The following SHANK2 variants were observed in gnomAD, a reference collection of about 807,000 sequenced individuals.
SHANK2 encodes SH3 and multiple ankyrin repeat domains 2.
SHANK2 carries 43 observed loss-of-function variants against 133.7 expected under a neutral mutation model. The observed-to-expected ratio is 0.32, with a 90% CI of 0.25 to 0.41. SHANK2 has a LOEUF of 0.41. Ranked by LOEUF, SHANK2 falls within the 10% of genes least tolerant of loss-of-function variation. The probability of loss-of-function intolerance (pLI) is 1.00; values close to 1 mark genes in which losing one functional copy is unlikely to be tolerated. For synonymous variants in SHANK2, 1,017 were observed against 952.8 expected, an observed-to-expected ratio of 1.07 and a Z score of -1.24; for missense variants, 1,994 against 2,235.8, an observed-to-expected ratio of 0.89 and a Z score of 2.18.
At chr11:71,085,653 T>C (rs1336545961) in intron 8 of SHANK2, among the ~76,000 whole-genome samples, 3 of 14,988 alleles carry the variant, frequency 2.0e-4, no homozygotes, top group Non-Finnish European at 2.5e-4. Flanking sequence ...TATTATGTTA[T>C]ATATTATATT....
chr11:71,068,834 GCACCATCGCTGT>G (rs1351250966), intron 9 of SHANK2, among the ~76,000 whole-genome samples: 1 of 151,682 alleles, frequency 6.6e-6, no homozygotes, highest in Non-Finnish European at 1.5e-5. Context: ...ACCATCATCA[GCACCATCGCTGT>G]CACCATGACC....
intron 15 of SHANK2, among the ~76,000 whole-genome samples, chr11:70,673,175 G>A (rs1489992100): frequency 4.6e-5 from 7 of 152,060 alleles, no homozygotes; most frequent in East Asian, 1.9e-4. Context: ...TTGGTCGCCC[G>A]CCACTGAAGG....
At chr11:71,110,102 T>C (rs1555098850) in intron 5 of SHANK2, 53 bp from the exon 6 acceptor site, 2 of 1,347,094 alleles carry the variant, frequency 1.5e-6, no homozygotes, top group East Asian at 5.0e-5. Flanking sequence ...TGTCCCAACC[T>C]GAGCAACAAA....
chr11:70,521,944 A>G (rs1554971098), intron 17 of SHANK2, among the ~76,000 whole-genome samples: 1 of 152,212 alleles, frequency 6.6e-6, no homozygotes, highest in Admixed American at 6.5e-5. Context: ...CTCTCCAAAC[A>G]GAGCTGAAAA....
intron 14 of SHANK2, among the ~76,000 whole-genome samples, chr11:70,721,431 T>C (rs1039693530): frequency 3.3e-5 from 5 of 152,244 alleles, no homozygotes; most frequent in Non-Finnish European, 5.9e-5. Context: ...GCAGGCCGTG[T>C]GTACAGGAGC....
intron 3 of SHANK2, among the ~76,000 whole-genome samples, chr11:71,140,613 C>A (rs1345336604): frequency 7.9e-5 from 12 of 152,322 alleles, no homozygotes; most frequent in Admixed American, 1.3e-4. Flanking sequence ...GTAGCACCAG[C>A]AGGAGGGTGG....
chr11:71,068,082 C>G (rs1334334041), intron 9 of SHANK2, among the ~76,000 whole-genome samples: 1 of 152,076 alleles, frequency 6.6e-6, no homozygotes, highest in Non-Finnish European at 1.5e-5. Context: ...ACCATCACCA[C>G]CATCATCACA....
intron 15 of SHANK2, among the ~76,000 whole-genome samples, chr11:70,665,558 A>C (rs576965): frequency 0.028 from 4,315 of 152,248 alleles, 208 homozygotes; most frequent in African/African-American, 0.099. Flanking sequence ...TGACATTAAG[A>C]AGGACTGTTT....
At chr11:70,599,957 AAGAAAGAAAGAAAG>A (rs1423773461) in intron 17 of SHANK2, among the ~76,000 whole-genome samples, 2,085 of 133,080 alleles carry the variant, frequency 0.016, 53 homozygotes, top group African/African-American at 0.054. Context: ...GAAAGAAAGA[AAGAAAGAAAGAAAG>A]AAAATGTATC....
At chr11:70,904,289 G>C (rs1211300142) in intron 10 of SHANK2, among the ~76,000 whole-genome samples, 1 of 152,194 alleles carries the variant, frequency 6.6e-6, no homozygotes, top group African/African-American at 2.4e-5. Context: ...AGGCAGGCTG[G>C]GGGCTGGTGA....
At chr11:70,776,766 C>G (rs1329451173) in intron 14 of SHANK2, among the ~76,000 whole-genome samples, 4 of 151,202 alleles carry the variant, frequency 2.6e-5, no homozygotes, top group Non-Finnish European at 5.9e-5. Context: ...ATCTACTCAC[C>G]CACTCAGCCA....
chr11:70,818,024 C>G (rs185983335), intron 12 of SHANK2, among the ~76,000 whole-genome samples: 2 of 152,166 alleles, frequency 1.3e-5, no homozygotes, highest in South Asian at 2.1e-4. Flanking sequence ...TGTGAGCTAC[C>G]GCACCTGGTC....
intron 17 of SHANK2, among the ~76,000 whole-genome samples, chr11:70,539,062 T>C (rs1342734419): frequency 1.3e-5 from 2 of 152,244 alleles, no homozygotes; most frequent in Admixed American, 6.5e-5. Context: ...TTTTACCTTA[T>C]GCAGAGTTCT....
intron 17 of SHANK2, among the ~76,000 whole-genome samples, chr11:70,525,005 C>T (rs1320109325): frequency 6.6e-6 from 1 of 152,258 alleles, no homozygotes; most frequent in Non-Finnish European, 1.5e-5. Context: ...CTGCCCGCTT[C>T]TAGTGGGGAC....
intron 10 of SHANK2, among the ~76,000 whole-genome samples, chr11:70,939,551 A>G (rs782010551): frequency 1.3e-5 from 2 of 152,166 alleles, no homozygotes; most frequent in Non-Finnish European, 2.9e-5. Flanking sequence ...AAGGTGCTCC[A>G]TGTCTGGGGC....
chr11:70,528,972 G>A (rs1278385409), intron 17 of SHANK2, among the ~76,000 whole-genome samples: 1 of 152,166 alleles, frequency 6.6e-6, no homozygotes, highest in African/African-American at 2.4e-5. Context: ...CCTTGTGGGA[G>A]CCTTAGGGGA....
intron 14 of SHANK2, among the ~76,000 whole-genome samples, chr11:70,726,950 A>T (rs187397355): frequency 6.6e-6 from 1 of 152,368 alleles, no homozygotes; most frequent in Non-Finnish European, 1.5e-5. Context: ...ACTTGCTGAG[A>T]GCTCACCAAC....
chr11:70,484,625 G>A (rs868981436), intron 25 of SHANK2, among the ~76,000 whole-genome samples: 1 of 152,162 alleles, frequency 6.6e-6, no homozygotes, highest in Non-Finnish European at 1.5e-5. Flanking sequence ...AGAGCCCTCT[G>A]GTTGCGTCTA....
chr11:71,239,374 T>TA (rs1954861076), intron 1 of SHANK2, among the ~76,000 whole-genome samples: 1 of 152,176 alleles, frequency 6.6e-6, no homozygotes, highest in African/African-American at 2.4e-5. Flanking sequence ...CTGCAGATAA[T>TA]ACGTTAATAA....
Sources: allele counts gnomAD v4.1 joint callset (sites outside exome capture counted in the v4.1 genomes callset), GRCh38; gene constraint gnomAD v4.1.1; transcripts MANE v1.5; gene names NCBI Gene and HGNC (gene_info 2026-07-23, HGNC 2026-07-21).